Variants in FHIT observed in about 807,000 individuals in gnomAD.
FHIT encodes fragile histidine triad diadenosine triphosphatase, also known as bis(5'-adenosyl)-triphosphatase.
In FHIT, 19 loss-of-function variants were observed where a neutral mutation model predicts 17.9. The ratio of observed to expected loss-of-function variants is 1.06; its 90% CI spans 0.74 to 1.56. The LOEUF is 1.56. Among genes scored for constraint, FHIT ranks in the 40% most tolerant of loss-of-function variants. FHIT has a pLI of 0.00. For missense variants in FHIT, 248 were observed against 189.2 expected (o/e 1.31, Z -1.82); for synonymous variants, 81 against 69.7 (o/e 1.16, Z -0.81).
intron 5 of FHIT, among the ~76,000 whole-genome samples, chr3:60,120,419 C>G (rs1705195193): frequency 2.0e-5 from 3 of 152,184 alleles, no homozygotes; most frequent in Non-Finnish European, 2.9e-5. Flanking sequence ...ATGCAGGGCA[C>G]CTGCATATTT....
chr3:60,729,185 A>G (rs2041977929), intron 4 of FHIT, among the ~76,000 whole-genome samples: 1 of 152,244 alleles, frequency 6.6e-6, no homozygotes, highest in Admixed American at 6.5e-5. Flanking sequence ...GAAGTTTAAC[A>G]GGCTTTAACC....
chr3:59,822,829 T>G (rs780818441), intron 8 of FHIT, among the ~76,000 whole-genome samples: 18 of 152,188 alleles, frequency 1.2e-4, no homozygotes, highest in Non-Finnish European at 2.6e-4. Flanking sequence ...TTTATCTTTG[T>G]TTTTGTTGCA....
intron 3 of FHIT, among the ~76,000 whole-genome samples, chr3:60,863,162 A>G (rs1263430176): frequency 6.6e-6 from 1 of 152,192 alleles, no homozygotes; most frequent in Non-Finnish European, 1.5e-5. Context: ...TCTAAAATGT[A>G]GGAGGCTCTG....
At chr3:60,169,374 G>T (rs1038808120) in intron 5 of FHIT, among the ~76,000 whole-genome samples, 1 of 152,126 alleles carries the variant, frequency 6.6e-6, no homozygotes, top group African/African-American at 2.4e-5. Context: ...ATTGCATAGG[G>T]CAGGAAGAAC....
intron 8 of FHIT, among the ~76,000 whole-genome samples, chr3:59,841,362 C>T (rs1013096100): frequency 2.0e-5 from 3 of 152,186 alleles, no homozygotes; most frequent in Non-Finnish European, 4.4e-5. Context: ...CACTGTTCAG[C>T]CATTAGCTAC....
intron 1 of FHIT, among the ~76,000 whole-genome samples, chr3:61,235,232 C>G (rs1576274427): frequency 6.6e-6 from 1 of 152,172 alleles, no homozygotes; most frequent in East Asian, 1.9e-4. Context: ...AGCCGGATGG[C>G]CTGGGTCCAT....
intron 5 of FHIT, among the ~76,000 whole-genome samples, chr3:60,048,309 T>C (rs1180344729): frequency 6.6e-6 from 1 of 152,180 alleles, no homozygotes; most frequent in Non-Finnish European, 1.5e-5. Flanking sequence ...CCCGAGTAGC[T>C]GGGACTACGG....
chr3:60,732,369 A>G, intron 4 of FHIT: 5 of 822,852 alleles, frequency 6.1e-6, no homozygotes, highest in Non-Finnish European at 1.1e-5. Context: ...TCTATGCTTC[A>G]GGATGAAGTT....
chr3:60,092,243 G>A (rs1022539469), intron 5 of FHIT, among the ~76,000 whole-genome samples: 61 of 152,254 alleles, frequency 4.0e-4, no homozygotes, highest in African/African-American at 1.4e-3. Context: ...ATTGTAACTG[G>A]TTTATATTGA....
At chr3:61,172,190 G>C (rs561771935) in intron 2 of FHIT, among the ~76,000 whole-genome samples, 1 of 152,264 alleles carries the variant, frequency 6.6e-6, no homozygotes, top group East Asian at 1.9e-4. Flanking sequence ...TATAGTATAT[G>C]TACTCAATAC....
intron 5 of FHIT, among the ~76,000 whole-genome samples, chr3:60,058,517 T>C (rs778702249): frequency 2.6e-5 from 4 of 152,234 alleles, no homozygotes; most frequent in Admixed American, 6.5e-5. Flanking sequence ...TCAGTACCAC[T>C]GAATGACACA....
intron 3 of FHIT, among the ~76,000 whole-genome samples, chr3:61,041,427 T>C (rs1191659895): frequency 1.3e-5 from 2 of 151,358 alleles, no homozygotes; most frequent in Non-Finnish European, 2.9e-5. Context: ...TCCTAAGAAA[T>C]GGAGATCAAG....
At position 60,284,497 on chromosome 3, in the gene FHIT, G is replaced by C. The variant is rs75402898; in HGVS notation, c.103+252363C>G. 1.7e-4 allele frequency among the ~76,000 whole-genome samples: 26 copies of C among 152,086 alleles called. No individual in the cohort carries two copies. In the East Asian group the frequency reaches 4.4e-3, roughly 26 times the overall value. The stretch of plus-strand genomic sequence containing the variant: ...TGTATTTACAAGGTAGGTCATCTTA[G>C]TTTTACCATGAGTTTTCACTATTTT... On this transcript the variant is annotated intron_variant, in intron 5 of 9. Transcript: ENST00000492590.
chr3:61,065,629 A>G (rs553922084), intron 2 of FHIT, among the ~76,000 whole-genome samples: 41 of 152,216 alleles, frequency 2.7e-4, no homozygotes, highest in South Asian at 1.5e-3. Flanking sequence ...GTGATGATAA[A>G]CATCAGGGAC....
At chr3:59,756,568 A>G (rs1263851098) in intron 8 of FHIT, among the ~76,000 whole-genome samples, 1 of 152,296 alleles carries the variant, frequency 6.6e-6, no homozygotes, top group East Asian at 1.9e-4. Flanking sequence ...ATATGAAACA[A>G]TGATTTGTTG....
chr3:61,204,655 T>TAAAA (rs1491176610), intron 1 of FHIT, among the ~76,000 whole-genome samples: 13 of 152,150 alleles, frequency 8.5e-5, no homozygotes, highest in African/African-American at 1.2e-4. Context: ...AAAATCTTGC[T>TAAAA]ATGTGTTGTT....
intron 2 of FHIT, among the ~76,000 whole-genome samples, chr3:61,157,840 A>G (rs902048424): frequency 2.0e-5 from 3 of 152,214 alleles, no homozygotes; most frequent in African/African-American, 7.2e-5. Flanking sequence ...AGTACATATA[A>G]AACTTAAAAA....
intron 8 of FHIT, among the ~76,000 whole-genome samples, chr3:59,804,844 G>A (rs903963463): frequency 2.6e-5 from 4 of 152,138 alleles, no homozygotes; most frequent in Non-Finnish European, 5.9e-5. Context: ...GCTGCCCCAC[G>A]GTAGAAAGTG....
chr3:60,058,172 G>A (rs1002574570), intron 5 of FHIT, among the ~76,000 whole-genome samples: 1 of 114,786 alleles, frequency 8.7e-6, no homozygotes, highest in African/African-American at 3.4e-5. Context: ...ACAGAGTCTC[G>A]CTCTGTCACC....
Sources: gnomAD v4.1 joint callset for allele counts (sites outside exome capture counted in the v4.1 genomes callset) on GRCh38, gnomAD v4.1.1 for gene constraint, MANE v1.5 for transcripts, NCBI Gene and HGNC (gene_info 2026-07-23, HGNC 2026-07-21) for gene names.